KCP: variants seen among roughly 807,000 people sequenced by gnomAD.
The protein encoded by KCP is kielin/chordin-like protein.
A neutral mutation model predicts 212.7 loss-of-function variants in KCP; 194 were observed. The ratio of observed to expected loss-of-function variants is 0.91; its 90% CI spans 0.81 to 1.03. The LOEUF is 1.03. Ranked by LOEUF, KCP falls within the 50% of genes least tolerant of loss-of-function variation. The pLI, the probability that KCP is intolerant of heterozygous loss-of-function variation, is 0.00. For synonymous variants in KCP, 833 were observed against 865.3 expected, an observed-to-expected ratio of 0.96 and a Z score of 0.65; for missense variants, 2,080 against 2,162.5, an observed-to-expected ratio of 0.96 and a Z score of 0.76.
At position 128,884,047 on chromosome 7, in the gene KCP, G is replaced by A. The variant is rs768981447; in HGVS notation, c.3199C>T (p.Gln1067Ter). 1 of 1,546,598 alleles carries A rather than the reference G, an allele frequency of 6.5e-7. No homozygotes were observed. Among genetic ancestry groups the A allele is most frequent in the African/African-American group, 1.4e-5 (1 of 72,764 alleles). The change falls in exon 29 of 40, where the codon CAG (glutamine) becomes TAG (stop). Residue 1067 changes from glutamine (Q) to a stop codon, truncating the protein, a stop_gained. Coordinates refer to ENST00000610776, the MANE Select transcript of KCP (RefSeq NM_001366122.1). LOFTEE classifies it high-confidence loss of function. ...CPSLVGCPPSQLLPPGPQHCC... is the reference protein window; with the variant it reads ...CPSLVGCPPS ...TGCTGGGGCCCAGGGGGCAGGAGCT[G>A]GCTGGGGGGGCAGCCCACCAGGCTG... is the stretch of plus-strand genomic sequence containing the variant.
rs763284849 is a variant in KCP, at chr7:128,893,864, C to T, written c.1041G>A (p.Pro347=). ...TGCCTGGGTGTCTGCAGGGCACTGG[C>T]GGGCAGGGCAGAGGCTCACACTGGA... The part of the protein sequence containing the change: ...GSVQCEPLPC[P]PVPCRHPGKI... The change falls in exon 11 of 40, where the codon CCG becomes CCA. Residue 347 remains proline (P), a synonymous_variant. Coordinates refer to ENST00000610776, the MANE Select transcript of KCP (RefSeq NM_001366122.1). The T allele has an allele frequency of 6.3e-5, 98 of 1,551,162 alleles. No individual in the cohort carries two copies. The highest frequency in any genetic ancestry group is 7.8e-5 in the Non-Finnish European group (89 of 1,146,986).
chr7:128,903,797 G>C lies in KCP; in HGVS notation c.678C>G (p.Ala226=), dbSNP rs2128950089. 1 of 1,550,042 alleles carries C rather than the reference G, an allele frequency of 6.5e-7. No homozygotes were observed. The highest frequency in any genetic ancestry group is 8.7e-7 in the Non-Finnish European group (1 of 1,146,278). ...TCLRSRVRCM[A]LKCPPSPCPE... ...GGCAGGGGCTAGGCGGGCACTTCAG[G>C]GCCATGCAGCGAACTCGGCTCCTCT... Residue 226 remains alanine, a synonymous_variant, in exon 7 of 40, where the codon GCC becomes GCG. Transcript: ENST00000610776.
rs1301150499 is a variant in KCP at position 128,891,468 on chromosome 7, G to A, written c.1861C>T (p.Arg621Cys). 2.6e-6 allele frequency: 4 copies of A among 1,550,382 alleles called. No individual in the cohort carries two copies. The East Asian group carries it at 7.3e-5, about 28-fold the overall frequency. ...ADFPHPSDPC[R>C]LCRCLSGNVQ... is the part of the protein sequence containing the mutation. ...AGACTCACCAGACAGCGACACAGAC[G>A]GCAGGGGTCAGAGGGGTGGGGGAAG... The change falls in exon 18 of 40, where the codon CGT becomes TGT. Residue 621 changes from arginine to cysteine, a missense_variant. Coordinates refer to ENST00000610776, the MANE Select transcript of KCP (RefSeq NM_001366122.1).
intron 29 of KCP, 40 bp from the exon 30 acceptor site, chr7:128,882,056 G>A (rs1202370495): frequency 6.8e-7 from 1 of 1,480,094 alleles, no homozygotes. Context: ...CAGAAAGAGG[G>A]GCACAGGGCT....
rs1485777008 is a variant in KCP at position 128,886,543 on chromosome 7, G to C, written c.2787C>G (p.Ser929Arg). ...GGGGTGGGCACTGCAGCCGCACACAGCTGACCTGGCCAGCCTGTAGGAGAT... is the reference window on the plus strand; with the variant it reads ...GGGGTGGGCACTGCAGCCGCACACACCTGACCTGGCCAGCCTGTAGGAGAT... ...EWCRCQAGQV[S>R]CVRLQCPPLP... Residue 929 changes from serine (S) to arginine (R), a missense_variant, in exon 26 of 40, where the codon AGC (serine) becomes AGG (arginine). By Grantham distance (110) the Ser-to-Arg change is moderately radical. Transcript: ENST00000610776. The C allele has an allele frequency of 7.1e-6, 11 of 1,550,976 alleles. No homozygotes were observed. In the African/African-American group the frequency reaches 1.2e-4, roughly 17 times the overall value.
chr7:128,902,794 G>C lies in KCP; in HGVS notation c.814C>G (p.Arg272Gly). 6.4e-7 allele frequency: 1 copy of C among 1,551,546 alleles called. No homozygotes were observed. The highest frequency in any genetic ancestry group is 8.7e-7 in the Non-Finnish European group (1 of 1,147,000). Residue 272 changes from arginine (R) to glycine (G), a missense_variant, in exon 8 of 40, where the codon CGA becomes GGA. By Grantham distance (125) the Arg-to-Gly change is moderately radical. Transcript: ENST00000610776. ...GGACTCACCAGGCACCGGCAGATTCGGCAGGGGTCCCCAGGTGTTGTCCAC... is the reference window on the plus strand; with the variant it reads ...GGACTCACCAGGCACCGGCAGATTCCGCAGGGGTCCCCAGGTGTTGTCCAC... The part of the protein sequence containing the change: ...QEWTTPGDPC[R>G]ICRCLEGHIQ...
At chr7:128,905,436 C>T (rs558161640) in intron 5 of KCP, among the ~76,000 whole-genome samples, 280 of 152,274 alleles carry the variant, frequency 1.8e-3, no homozygotes, top group African/African-American at 6.0e-3. Flanking sequence ...TTCATGTCCC[C>T]AGCACCACTG....
chr7:128,899,851 A>G (rs1328909648), intron 8 of KCP, among the ~76,000 whole-genome samples: 2 of 152,196 alleles, frequency 1.3e-5, no homozygotes, highest in Admixed American at 6.5e-5. Flanking sequence ...CATGTAAGGA[A>G]TCATGATTCC....
intron 8 of KCP, among the ~76,000 whole-genome samples, chr7:128,894,942 C>A (rs1251270958): frequency 6.6e-6 from 1 of 152,120 alleles, no homozygotes; most frequent in African/African-American, 2.4e-5. Context: ...CACACACAGA[C>A]ACACACAGGG....
intron 5 of KCP, chr7:128,904,351 C>T (rs1377356281): frequency 7.7e-6 from 12 of 1,551,780 alleles, no homozygotes; most frequent in Admixed American, 2.0e-5. Context: ...GCTCTGAACA[C>T]GAGGGCCCCT....
At chr7:128,905,608 T>A (rs1468674840) in intron 5 of KCP, among the ~76,000 whole-genome samples, 1 of 152,188 alleles carries the variant, frequency 6.6e-6, no homozygotes, top group Admixed American at 6.5e-5. Context: ...TCTGTCTGCA[T>A]CTAGCCCTCA....
At position 128,907,149 on chromosome 7, in the gene KCP, G is replaced by A; in HGVS notation, c.438C>T (p.Gly146=). The change falls in exon 4 of 40, where the codon GGC becomes GGT. Residue 146 remains glycine, a synonymous_variant. Transcript: ENST00000610776. ...RGCSQNGQTY[G]NGETFSPDAC... is the part of the protein sequence containing the mutation. ...CATCTGGGGAGAAGGTCTCCCCGTT[G>A]CCGTAGGTCTGGCCATTTTGGCTGC... 3 of 1,551,564 alleles carry A rather than the reference G, an allele frequency of 1.9e-6. No individual in the cohort carries two copies. In the South Asian group the frequency reaches 3.6e-5, roughly 18 times the overall value.
At chr7:128,882,459 T>C (rs1793389832) in intron 29 of KCP, among the ~76,000 whole-genome samples, 1 of 152,220 alleles carries the variant, frequency 6.6e-6, no homozygotes, top group African/African-American at 2.4e-5. Context: ...TCTCTGAGCC[T>C]CAGTTTCTTA....
At position 128,889,027 on chromosome 7, in the gene KCP, A is replaced by T. The variant is rs1028558394; in HGVS notation, c.2348T>A (p.Leu783Gln). 1 of 1,508,682 alleles carries T rather than the reference A, an allele frequency of 6.6e-7. No homozygotes were observed. Among genetic ancestry groups the T allele is most frequent in the Admixed American group, 2.3e-5 (1 of 42,864 alleles). The allele number at this position is 1,508,682 out of a possible 1,614,324, so 93.5% of individuals were successfully genotyped here. Residue 783 changes from leucine to glutamine, a missense_variant, in exon 22 of 40, where the codon CTG (leucine) becomes CAG (glutamine). Physicochemically the swap from Leu to Gln is moderately radical, Grantham distance 113 (BLOSUM62 -2). Coordinates refer to ENST00000610776, the MANE Select transcript of KCP (RefSeq NM_001366122.1). Reference protein sequence around the residue: ...CCPDCDGCEYLGESYLSNQEF... With the variant: ...CCPDCDGCEYQGESYLSNQEF... ...CTGGTTACTCAGGTAGGACTCCCCCAGGTACTCACAGCCTTTCAGAGAAGA... is the reference window on the plus strand; with the variant it reads ...CTGGTTACTCAGGTAGGACTCCCCCTGGTACTCACAGCCTTTCAGAGAAGA...
Position 128,907,252 on chromosome 7 carries a change from G to T in KCP, c.409+12C>A. On this transcript the variant is annotated intron_variant, in intron 3 of 39. Transcript: ENST00000610776. ...TTAGGTGGCCCCAGTGGGCGGATAG[G>T]GTGGCACTTACCCCTGCAATGGGGC... 6.5e-7 allele frequency: 1 copy of T among 1,535,504 alleles called. No homozygotes were observed. The highest frequency in any genetic ancestry group is 8.8e-7 in the Non-Finnish European group (1 of 1,134,268).
chr7:128,878,909 A>G (rs1437489497), intron 37 of KCP, 187 bp from the exon 38 acceptor site: 2 of 570,970 alleles, frequency 3.5e-6, no homozygotes, highest in East Asian at 5.9e-5. Flanking sequence ...ATTCTGTGCC[A>G]GCCCTGGGCA....
At chr7:128,908,320 T>C in intron 2 of KCP, 106 bp downstream of exon 2, 1 of 850,682 alleles carries the variant, frequency 1.2e-6, no homozygotes, top group Admixed American at 3.6e-5. Context: ...ATTGTTCAGA[T>C]AAGAGCTCTA....
At chr7:128,882,140 GC>G (rs2128944749) in intron 29 of KCP, 124 bp from the exon 30 acceptor site, 1 of 649,880 alleles carries the variant, frequency 1.5e-6, no homozygotes, top group South Asian at 1.9e-5. Flanking sequence ...CCATATCCCA[GC>G]ACCTTGACTC....
chr7:128,906,429 A>G, intron 4 of KCP, 66 bp from the exon 5 acceptor site: 1 of 1,155,138 alleles, frequency 8.7e-7, no homozygotes, highest in Non-Finnish European at 1.3e-6. Flanking sequence ...CTCTGGAAGT[A>G]AAACCTCAGC....
Sources: allele counts gnomAD v4.1 joint callset (sites outside exome capture counted in the v4.1 genomes callset), GRCh38; gene constraint gnomAD v4.1.1; transcripts MANE v1.5; gene names NCBI Gene and HGNC (gene_info 2026-07-23, HGNC 2026-07-21).